PTPRD: variants seen among roughly 807,000 people sequenced by gnomAD.
The protein encoded by PTPRD is receptor-type tyrosine-protein phosphatase delta.
A neutral mutation model predicts 214.5 loss-of-function variants in PTPRD; 34 were observed. The ratio of observed to expected loss-of-function variants is 0.16; its 90% CI spans 0.12 to 0.21. The LOEUF (loss-of-function observed/expected upper bound fraction) is 0.21, where lower values mean the gene tolerates loss of function less well. Ranked by LOEUF, PTPRD falls within the 10% of genes least tolerant of loss-of-function variation. PTPRD has a pLI of 1.00. For synonymous variants in PTPRD, 1,128 were observed against 845.7 expected, an observed-to-expected ratio of 1.33 and a Z score of -5.79; for missense variants, 2,545 against 2,398.7, an observed-to-expected ratio of 1.06 and a Z score of -1.27.
intron 3 of PTPRD, among the ~76,000 whole-genome samples, chr9:10,155,281 T>A (rs2154281633): frequency 6.6e-6 from 1 of 152,268 alleles, no homozygotes; most frequent in East Asian, 1.9e-4. Flanking sequence ...GCTGGTGATT[T>A]TTTTTTATGT....
At chr9:8,394,135 A>G (rs1276172282) in intron 36 of PTPRD, among the ~76,000 whole-genome samples, 2 of 152,034 alleles carry the variant, frequency 1.3e-5, no homozygotes, top group Non-Finnish European at 2.9e-5. Context: ...CTGGATACAG[A>G]CTTTGAATAA....
chr9:8,600,086 A>G (rs1469067178), intron 14 of PTPRD, among the ~76,000 whole-genome samples: 1 of 152,188 alleles, frequency 6.6e-6, no homozygotes, highest in Non-Finnish European at 1.5e-5. Flanking sequence ...TAAGGAATCT[A>G]TGTGCTTGGG....
At chr9:10,484,690 T>A (rs969194453) in intron 2 of PTPRD, among the ~76,000 whole-genome samples, 2 of 152,192 alleles carry the variant, frequency 1.3e-5, no homozygotes, top group East Asian at 1.9e-4. Flanking sequence ...TCTATTTAGA[T>A]TTTTTGCTCA....
intron 12 of PTPRD, among the ~76,000 whole-genome samples, chr9:8,675,165 G>A (rs553415376): frequency 6.6e-6 from 1 of 152,124 alleles, no homozygotes; most frequent in South Asian, 2.1e-4. Flanking sequence ...CTTGAGATCC[G>A]CAGTTGATTC....
At chr9:9,035,073 G>C (rs1325412187) in intron 10 of PTPRD, among the ~76,000 whole-genome samples, 1 of 151,962 alleles carries the variant, frequency 6.6e-6, no homozygotes, top group Non-Finnish European at 1.5e-5. Context: ...TTGGAGTGTG[G>C]GATTGGATTT....
intron 11 of PTPRD, among the ~76,000 whole-genome samples, chr9:8,933,581 T>C (rs2098969364): frequency 6.6e-6 from 1 of 152,000 alleles, no homozygotes; most frequent in Non-Finnish European, 1.5e-5. Context: ...AGTGAGCTAA[T>C]GGATACTTGA....
chr9:8,359,102 C>T (rs1484445866), intron 39 of PTPRD, among the ~76,000 whole-genome samples: 3 of 70,924 alleles, frequency 4.2e-5, no homozygotes, highest in African/African-American at 1.4e-4. Context: ...AGCGAGACTC[C>T]GTCTCAAAAA....
In PTPRD at chr9:9,947,492, TATATATA is replaced by T. The variant is rs1460560539; in HGVS notation, c.-471-8889_-471-8883del. Among the ~76,000 whole-genome samples the T allele has an allele frequency of 0.026, 940 of 35,618 alleles. 56 individuals carry two copies. The East Asian group carries it at 0.3, about 12-fold the overall frequency. The allele number at this position is 35,618 out of a possible 152,430, so 23.4% of individuals were successfully genotyped here. A position where few individuals can be genotyped will look rare whatever the true frequency, so the allele number is the denominator to read the frequency against. ...TATATTATATATATTTTATATATAT[TATATATA>T]TTTTATATATATAATATATATATTA... On this transcript the variant is annotated intron_variant, in intron 4 of 45. Coordinates refer to ENST00000381196, the MANE Select transcript of PTPRD (RefSeq NM_002839.4).
intron 3 of PTPRD, among the ~76,000 whole-genome samples, chr9:10,080,710 C>T (rs2098222576): frequency 6.6e-6 from 1 of 151,998 alleles, no homozygotes; most frequent in African/African-American, 2.4e-5. Flanking sequence ...AAATAACTCC[C>T]TTTCTTTTCT....
At chr9:10,356,249 A>G (rs926502539) in intron 2 of PTPRD, among the ~76,000 whole-genome samples, 1 of 152,144 alleles carries the variant, frequency 6.6e-6, no homozygotes, top group Non-Finnish European at 1.5e-5. Flanking sequence ...TGGTGAAGAC[A>G]GTGCCTCAAG....
intron 44 of PTPRD, among the ~76,000 whole-genome samples, chr9:8,326,072 G>A (rs1237573137): frequency 1.1e-4 from 16 of 152,154 alleles, no homozygotes; most frequent in Admixed American, 1.0e-3. Flanking sequence ...TCTTTCTGTT[G>A]CCTGACTGCC....
chr9:8,794,509 A>ATTTT (rs5896260), intron 11 of PTPRD, among the ~76,000 whole-genome samples: 1 of 131,676 alleles, frequency 7.6e-6, no homozygotes, highest in African/African-American at 2.8e-5. Context: ...CACAGAAGCC[A>ATTTT]TTTTTTTTTT....
At chr9:8,476,596 T>C (rs1052366066) in intron 30 of PTPRD, among the ~76,000 whole-genome samples, 14 of 152,238 alleles carry the variant, frequency 9.2e-5, no homozygotes, top group African/African-American at 3.4e-4. Context: ...TCTGATTTTT[T>C]TTAAACCTAT....
At position 8,333,287 on chromosome 9, in the gene PTPRD, G is replaced by T. The variant is rs559094814; in HGVS notation, c.5380-1551C>A. ...AGGTAATACAGATTTATTCTCCTCT[G>T]AATGTCCTGGGGATTTCATTTCTGA... On this transcript the variant is annotated intron_variant, in intron 43 of 45. Transcript: ENST00000381196. Among the ~76,000 whole-genome samples the T allele has an allele frequency of 7.2e-5, 11 of 152,236 alleles. No individual in the cohort carries two copies. The South Asian group carries it at 2.3e-3, about 32-fold the overall frequency.
At chr9:9,237,393 G>C (rs1052715303) in intron 9 of PTPRD, among the ~76,000 whole-genome samples, 1 of 152,132 alleles carries the variant, frequency 6.6e-6, no homozygotes, top group African/African-American at 2.4e-5. Flanking sequence ...TCATGCCACT[G>C]TACTCTAGCC....
chr9:8,985,572 T>C (rs2099338397), intron 11 of PTPRD, among the ~76,000 whole-genome samples: 1 of 151,900 alleles, frequency 6.6e-6, no homozygotes, highest in Non-Finnish European at 1.5e-5. Flanking sequence ...TTGCTCAAGA[T>C]TATACACGCA....
At chr9:9,310,976 G>A (rs1411859644) in intron 9 of PTPRD, among the ~76,000 whole-genome samples, 1 of 150,588 alleles carries the variant, frequency 6.6e-6, no homozygotes. Flanking sequence ...ATTCTCGGTG[G>A]GAGGCCCATC....
intron 45 of PTPRD, among the ~76,000 whole-genome samples, chr9:8,318,595 A>G (rs1823969566): frequency 1.3e-5 from 2 of 152,058 alleles, no homozygotes; most frequent in Non-Finnish European, 2.9e-5. Context: ...CCATTTACAC[A>G]GGGCACTGGA....
intron 37 of PTPRD, among the ~76,000 whole-genome samples, chr9:8,387,208 GTAACTTCCAAA>G (rs139727465): frequency 0.072 from 11,013 of 152,236 alleles, 510 homozygotes; most frequent in Non-Finnish European, 0.099. Flanking sequence ...GGTTCATTTA[GTAACTTCCAAA>G]TAAGTTCCTC....
Sources: allele counts gnomAD v4.1 joint callset (sites outside exome capture counted in the v4.1 genomes callset), GRCh38; gene constraint gnomAD v4.1.1; transcripts MANE v1.5; gene names NCBI Gene and HGNC (gene_info 2026-07-23, HGNC 2026-07-21).